RGMA: variants seen among roughly 807,000 people sequenced by gnomAD.
RGMA encodes repulsive guidance molecule A.
A neutral mutation model predicts 23.2 loss-of-function variants in RGMA; 10 were observed. The observed-to-expected ratio is 0.43, with a 90% confidence interval of 0.27 to 0.73. The LOEUF is 0.73. RGMA is among the 30% of genes least tolerant of loss of function. The pLI is 0.20. For synonymous variants in RGMA, 308 were observed against 279.3 expected, an observed-to-expected ratio of 1.10 and a Z score of -1.03; for missense variants, 547 against 630.5, an observed-to-expected ratio of 0.87 and a Z score of 1.42.
intron 1 of RGMA, chr15:93,073,516 T>C: frequency 7.1e-7 from 1 of 1,404,486 alleles, no homozygotes; most frequent in Non-Finnish European, 9.6e-7. Flanking sequence ...TCCACGAATA[T>C]CCAATCCAAG....
rs1269370335 is a variant in RGMA at position 93,041,624 on chromosome 15, G to C, written c.*3374C>G. On this transcript the variant is annotated 3_prime_UTR_variant, in exon 4 of 4. Coordinates refer to ENST00000329082, the MANE Select transcript of RGMA (RefSeq NM_020211.3). ...GAGATTTCTTTTTTCTTTTTCTTCTGTGTGCCCTGGCTTCTCAGGAACTGT... is the reference window on the plus strand; with the variant it reads ...GAGATTTCTTTTTTCTTTTTCTTCTCTGTGCCCTGGCTTCTCAGGAACTGT... 6.6e-6 allele frequency: 1 copy of C among 151,854 alleles called. No homozygotes were observed. Among genetic ancestry groups the C allele is most frequent in the Non-Finnish European group, 1.5e-5 (1 of 68,002 alleles). The allele number at this position is 151,854 out of a possible 1,614,324, so 9.4% of individuals were successfully genotyped here. A position where few individuals can be genotyped will look rare whatever the true frequency, so the allele number is the denominator to read the frequency against.
chr15:93,047,663 G>T (rs1158500656), intron 3 of RGMA, among the ~76,000 whole-genome samples: 2 of 152,148 alleles, frequency 1.3e-5, no homozygotes, highest in African/African-American at 4.8e-5. Context: ...GCCTCAGAGG[G>T]TCTGCAGGCT....
At position 93,044,669 on chromosome 15, in the gene RGMA, T is replaced by C. The variant is rs1452121354; in HGVS notation, c.*329A>G. The C allele has an allele frequency of 2.1e-5, 8 of 385,654 alleles. No individual in the cohort carries two copies. The highest frequency in any genetic ancestry group is 3.3e-5 in the Non-Finnish European group (7 of 214,634). The allele number at this position is 385,654 out of a possible 1,614,324, so 23.9% of individuals were successfully genotyped here. On this transcript the variant is annotated 3_prime_UTR_variant, in exon 4 of 4. Transcript: ENST00000329082. ...ATTGCGAGGGGGAAGGAGCTGACTC[T>C]GACGGTTCCCAGTGTGTCTCTGGTG...
rs1238804389 is a variant in RGMA at position 93,035,750 on chromosome 15, G to T, written c.*9248C>A. The T allele has an allele frequency of 6.6e-6, 1 of 152,288 alleles. No individual in the cohort carries two copies. Among genetic ancestry groups the T allele is most frequent in the Non-Finnish European group, 1.5e-5 (1 of 68,112 alleles). 9.4% of individuals were successfully genotyped at this position (152,288 alleles called of 1,614,324 possible). On this transcript the variant is annotated 3_prime_UTR_variant, in exon 4 of 4. Coordinates refer to ENST00000329082, the MANE Select transcript of RGMA (RefSeq NM_020211.3). ...AGAACTCAGATTCTAGCCCGACTCT[G>T]AAGGCCGAGCCTGTCACCACCTCAT...
rs1895527667 is a variant in RGMA at position 93,079,735 on chromosome 15, A to G, written c.15-6704T>C. On this transcript the variant is annotated intron_variant, in intron 1 of 3. Transcript: ENST00000329082. ...CTTCGGAGGCTGAGGCAAGAGAATC[A>G]CTTGAACCCAGTAGGCGGAGGTTGC... Among the ~76,000 whole-genome samples the G allele has an allele frequency of 3.3e-5, 5 of 152,210 alleles. No individual in the cohort carries two copies. The South Asian group carries it at 1.0e-3, about 32-fold the overall frequency.
intron 3 of RGMA, among the ~76,000 whole-genome samples, chr15:93,048,911 G>A (rs1318302366): frequency 1.3e-4 from 19 of 150,788 alleles, no homozygotes. Flanking sequence ...GGGTGGGGGG[G>A]GGCGGCGTCC....
intron 1 of RGMA, among the ~76,000 whole-genome samples, chr15:93,087,848 C>A (rs1425526985): frequency 6.6e-6 from 1 of 152,164 alleles, no homozygotes; most frequent in Non-Finnish European, 1.5e-5. Flanking sequence ...GCTCAATGTG[C>A]TGAGCATGGG....
Position 93,052,020 on chromosome 15 carries a change from G to A in RGMA, c.618C>T (p.Pro206=), listed in dbSNP as rs371165101. The A allele has an allele frequency of 2.2e-4, 352 of 1,608,548 alleles. 2 individuals carry two copies. In the African/African-American group the frequency reaches 4.0e-3, roughly 18 times the overall value. The change falls in exon 3 of 4, where the codon CCC becomes CCT. Residue 206 remains proline, a synonymous_variant. Transcript: ENST00000329082. ...TGCTGGTGGCAGTGGCCGCTGAGCC[G>A]GGCAGCACAGGCGTGTTGGTGACCT... ...NVQVTNTPVL[P]GSAATATSKL...
intron 3 of RGMA, among the ~76,000 whole-genome samples, chr15:93,050,017 T>G (rs946507358): frequency 6.6e-6 from 1 of 152,214 alleles, no homozygotes; most frequent in African/African-American, 2.4e-5. Context: ...GGATGTCGAC[T>G]CCTCTGTTCC....
In RGMA at chr15:93,041,849, A is replaced by G. The variant is rs2054727916; in HGVS notation, c.*3149T>C. The G allele has an allele frequency of 1.3e-5, 2 of 152,234 alleles. No homozygotes were observed. The highest frequency in any genetic ancestry group is 4.8e-5 in the African/African-American group (2 of 41,442). The allele number at this position is 152,234 out of a possible 1,614,324, so 9.4% of individuals were successfully genotyped here. On this transcript the variant is annotated 3_prime_UTR_variant, in exon 4 of 4. Coordinates refer to ENST00000329082, the MANE Select transcript of RGMA (RefSeq NM_020211.3). ...CCGTGTTCTCTCTGGGAGCCCTGCA[A>G]GAACAGGGCTTTAGAACGTTCTCCT...
At chr15:93,054,347 C>G (rs777951691) in intron 2 of RGMA, among the ~76,000 whole-genome samples, 2 of 152,006 alleles carry the variant, frequency 1.3e-5, no homozygotes, top group African/African-American at 2.4e-5. Flanking sequence ...TCAGGTGGTG[C>G]CCGCTTGATA....
intron 2 of RGMA, 107 bp downstream of exon 2, chr15:93,072,809 G>T: frequency 8.1e-7 from 1 of 1,236,540 alleles, no homozygotes; most frequent in Non-Finnish European, 1.1e-6. Flanking sequence ...GCGGGGTCCG[G>T]AGGAGGTCCG....
chr15:93,047,545 A>C (rs2054843929), intron 3 of RGMA, among the ~76,000 whole-genome samples: 3 of 150,850 alleles, frequency 2.0e-5, no homozygotes, highest in African/African-American at 2.4e-5. Context: ...CTAAGCCCCA[A>C]CCCCTCACCC....
At chr15:93,048,079 A>G (rs2054855783) in intron 3 of RGMA, among the ~76,000 whole-genome samples, 2 of 152,130 alleles carry the variant, frequency 1.3e-5, no homozygotes, top group South Asian at 4.1e-4. Context: ...ACCAGGTGCT[A>G]AGAGGCCTGA....
intron 1 of RGMA, among the ~76,000 whole-genome samples, chr15:93,075,983 A>T (rs1895467292): frequency 6.6e-6 from 1 of 152,360 alleles, no homozygotes; most frequent in African/African-American, 2.4e-5. Context: ...ATACTGGCTA[A>T]ACCAACCAAC....
At position 93,042,199 on chromosome 15, in the gene RGMA, A is replaced by G. The variant is rs1253657311; in HGVS notation, c.*2799T>C. On this transcript the variant is annotated 3_prime_UTR_variant, in exon 4 of 4. Transcript: ENST00000329082. Reference sequence around the variant, plus strand: ...TAAAATAAAGTTCTCCTTTTTCTTCAGCCTTCCTGGTCTGCCTGGGATTAA... The same window carrying G: ...TAAAATAAAGTTCTCCTTTTTCTTCGGCCTTCCTGGTCTGCCTGGGATTAA... The G allele has an allele frequency of 6.6e-6, 1 of 152,192 alleles. No homozygotes were observed. Among genetic ancestry groups the G allele is most frequent in the African/African-American group, 2.4e-5 (1 of 41,414 alleles). The allele number at this position is 152,192 out of a possible 1,614,324, so 9.4% of individuals were successfully genotyped here. A position where few individuals can be genotyped will look rare whatever the true frequency, so the allele number is the denominator to read the frequency against.
intron 1 of RGMA, among the ~76,000 whole-genome samples, chr15:93,086,316 G>C (rs549485189): frequency 6.6e-6 from 1 of 152,152 alleles, no homozygotes; most frequent in Non-Finnish European, 1.5e-5. Context: ...ATTTGCCTGC[G>C]CTGCTTTCAG....
intron 2 of RGMA, among the ~76,000 whole-genome samples, chr15:93,070,686 T>G (rs1227603684): frequency 6.6e-6 from 1 of 152,196 alleles, no homozygotes; most frequent in African/African-American, 2.4e-5. Flanking sequence ...CAGTTTTCAG[T>G]CAGGTGGGCA....
chr15:93,089,195 G>A lies in RGMA; in HGVS notation c.-263C>T. On this transcript the variant is annotated 5_prime_UTR_variant, in exon 1 of 4. Transcript: ENST00000329082. The stretch of plus-strand genomic sequence containing the variant: ...GCTCGGGCGGCGCAGCCAGCGCTCG[G>A]GAGACAACTGCAGAGTGGGGCGGCC... 3.7e-6 allele frequency: 1 copy of A among 266,994 alleles called. No homozygotes were observed. Among genetic ancestry groups the A allele is most frequent in the Admixed American group, 5.4e-5 (1 of 18,400 alleles). 16.5% of individuals were successfully genotyped at this position (266,994 alleles called of 1,614,324 possible).
Sources: gnomAD v4.1 joint callset for allele counts (sites outside exome capture counted in the v4.1 genomes callset) on GRCh38, gnomAD v4.1.1 for gene constraint, MANE v1.5 for transcripts, NCBI Gene and HGNC (gene_info 2026-07-23, HGNC 2026-07-21) for gene names.